The following KLHL1 variants were observed in gnomAD, a reference collection of about 807,000 sequenced individuals.
The protein encoded by KLHL1 is kelch-like protein 1.
A neutral mutation model predicts 77.7 loss-of-function variants in KLHL1; 47 were observed. The ratio of observed to expected loss-of-function variants is 0.60; its 90% confidence interval spans 0.48 to 0.77. KLHL1 has a LOEUF of 0.77. Among genes scored for constraint, KLHL1 ranks in the 30% least tolerant of loss-of-function variants. The pLI, the probability that KLHL1 is intolerant of heterozygous loss-of-function variation, is 0.00. For missense variants in KLHL1, 925 were observed against 910.8 expected, an observed-to-expected ratio of 1.02 and a Z score of -0.20; for synonymous variants, 360 against 325.2, an observed-to-expected ratio of 1.11 and a Z score of -1.15.
chr13:70,083,620 T>C (rs1028580575), intron 1 of KLHL1, among the ~76,000 whole-genome samples: 2 of 152,174 alleles, frequency 1.3e-5, no homozygotes, highest in South Asian at 2.1e-4. Flanking sequence ...GTCTAAATTA[T>C]ATGAGAAAAA....
Position 69,975,799 on chromosome 13 carries a change from C to G in KLHL1, c.501G>C (p.Leu167=), listed in dbSNP as rs775528289. The G allele has an allele frequency of 6.2e-7, 1 of 1,606,418 alleles. No individual in the cohort carries two copies. Among genetic ancestry groups the G allele is most frequent in the East Asian group, 2.2e-5 (1 of 44,462 alleles). The change falls in exon 2 of 11, where the codon CTG becomes CTC. Residue 167 remains leucine, a synonymous_variant. Coordinates refer to ENST00000377844, the MANE Select transcript of KLHL1 (RefSeq NM_020866.3). ...QATGEGCGHR[L]SSTGHSMTPQ... is the part of the protein sequence containing the mutation. The stretch of plus-strand genomic sequence containing the variant: ...GTGTCATTGAATGGCCGGTTGATGA[C>G]AGCCTATAAACCACACACACACACA...
At chr13:69,903,788 C>T (rs145108959) in intron 4 of KLHL1, among the ~76,000 whole-genome samples, 1,634 of 151,158 alleles carry the variant, frequency 0.011, 11 homozygotes, top group Non-Finnish European at 0.016. Context: ...ATTACAGGTG[C>T]GTACCACCAT....
At chr13:69,899,255 C>T (rs2138223345) in intron 4 of KLHL1, among the ~76,000 whole-genome samples, 1 of 152,214 alleles carries the variant, frequency 6.6e-6, no homozygotes, top group South Asian at 2.1e-4. Flanking sequence ...CAAGCAAATC[C>T]AGGTGGTTGT....
chr13:69,772,165 T>G (rs889800447), intron 7 of KLHL1, among the ~76,000 whole-genome samples: 6 of 152,076 alleles, frequency 3.9e-5, no homozygotes, highest in Non-Finnish European at 8.8e-5. Flanking sequence ...TTGGCCAAGA[T>G]GTTTTTATTT....
chr13:69,869,219 G>T (rs868363698), intron 5 of KLHL1, among the ~76,000 whole-genome samples: 1 of 152,006 alleles, frequency 6.6e-6, no homozygotes, highest in African/African-American at 2.4e-5. Flanking sequence ...TCTGATAATA[G>T]CCGATCCTTA....
intron 7 of KLHL1, among the ~76,000 whole-genome samples, chr13:69,775,746 A>G (rs9529638): frequency 0.029 from 4,362 of 151,804 alleles, 96 homozygotes; most frequent in Middle Eastern, 0.041. Flanking sequence ...ACTGGAGTGC[A>G]GTGGTGCCAT....
At chr13:70,044,057 G>T (rs577520427) in intron 1 of KLHL1, among the ~76,000 whole-genome samples, 1 of 152,070 alleles carries the variant, frequency 6.6e-6, no homozygotes, top group African/African-American at 2.4e-5. Context: ...CTTTTCAATG[G>T]TTTCCCATGG....
intron 1 of KLHL1, among the ~76,000 whole-genome samples, chr13:70,098,714 T>A (rs928997003): frequency 1.3e-5 from 2 of 151,808 alleles, no homozygotes; most frequent in Admixed American, 1.3e-4. Flanking sequence ...TAGTGAAAAT[T>A]GGATATAAGA....
intron 6 of KLHL1, among the ~76,000 whole-genome samples, chr13:69,830,130 G>T (rs1878704743): frequency 6.7e-6 from 1 of 149,932 alleles, no homozygotes; most frequent in Non-Finnish European, 1.5e-5. Flanking sequence ...AATGTAAATG[G>T]CCTAAATGCC....
intron 1 of KLHL1, among the ~76,000 whole-genome samples, chr13:69,988,736 G>C (rs1884943045): frequency 6.6e-6 from 1 of 152,020 alleles, no homozygotes; most frequent in Non-Finnish European, 1.5e-5. Context: ...TTTTTCATAA[G>C]TATATTGGCT....
chr13:69,811,667 A>G (rs1204101951), intron 6 of KLHL1, among the ~76,000 whole-genome samples: 4 of 152,124 alleles, frequency 2.6e-5, no homozygotes, highest in Non-Finnish European at 4.4e-5. Context: ...ACATCCAAGT[A>G]GGAAAAAAAA....
chr13:70,024,631 T>TCC, intron 1 of KLHL1, among the ~76,000 whole-genome samples: 1 of 84,000 alleles, frequency 1.2e-5, no homozygotes, highest in Non-Finnish European at 2.4e-5. Flanking sequence ...TCTCTCTCTC[T>TCC]CTCTCTCTCT....
At chr13:70,084,759 GC>G (rs1887491692) in intron 1 of KLHL1, among the ~76,000 whole-genome samples, 1 of 150,878 alleles carries the variant, frequency 6.6e-6, no homozygotes, top group African/African-American at 2.4e-5. Flanking sequence ...ACAGGCGTGA[GC>G]CACTGCGCCG....
intron 4 of KLHL1, among the ~76,000 whole-genome samples, chr13:69,883,574 A>T (rs1881083211): frequency 6.6e-6 from 1 of 152,186 alleles, no homozygotes; most frequent in Non-Finnish European, 1.5e-5. Flanking sequence ...TAAACTTAGA[A>T]ATCTTTTCAC....
chr13:69,737,498 G>A (rs543463405), intron 8 of KLHL1, among the ~76,000 whole-genome samples: 52 of 152,316 alleles, frequency 3.4e-4, no homozygotes, highest in Middle Eastern at 3.4e-3. Flanking sequence ...TTCCCAGAGA[G>A]GGAAGGGCTG....
chr13:69,805,174 TCCAAATGTG>T (rs1877564414), intron 6 of KLHL1, among the ~76,000 whole-genome samples: 1 of 140,246 alleles, frequency 7.1e-6, no homozygotes, highest in Non-Finnish European at 1.6e-5. Context: ...TCATTATAAT[TCCAAATGTG>T]CCAAATAAGC....
At chr13:69,715,184 C>T (rs1876061675) in intron 9 of KLHL1, among the ~76,000 whole-genome samples, 1 of 152,124 alleles carries the variant, frequency 6.6e-6, no homozygotes, top group Non-Finnish European at 1.5e-5. Flanking sequence ...CTTAGGTTAG[C>T]ATAGAATCCT....
chr13:70,095,315 T>G (rs925353543), intron 1 of KLHL1, among the ~76,000 whole-genome samples: 3 of 152,256 alleles, frequency 2.0e-5, no homozygotes, highest in East Asian at 1.9e-4. Context: ...AAGAGAGAGA[T>G]TGTTCTATTT....
chr13:69,981,747 T>C (rs9599526), intron 1 of KLHL1, among the ~76,000 whole-genome samples: 38,001 of 151,452 alleles, frequency 0.25, 5,212 homozygotes, highest in East Asian at 0.38. Flanking sequence ...AAACAACATA[T>C]AGTCATTTTT....
Sources: allele counts gnomAD v4.1 joint callset (sites outside exome capture counted in the v4.1 genomes callset), GRCh38; gene constraint gnomAD v4.1.1; transcripts MANE v1.5; gene names NCBI Gene and HGNC (gene_info 2026-07-23, HGNC 2026-07-21).